The following PCDH15 variants were observed in gnomAD, a reference collection of about 807,000 sequenced individuals.
The protein encoded by PCDH15 is protocadherin related 15, also known as protocadherin-15.
Under a neutral mutation model 178.5 loss-of-function variants are expected in PCDH15, and 129 were observed. The observed-to-expected ratio is 0.72, with a 90% confidence interval of 0.63 to 0.84. The LOEUF is 0.84. PCDH15 is among the 40% of genes least tolerant of loss of function. The pLI is 0.00. For missense variants in PCDH15, 2,230 were observed against 2,099.9 expected (o/e 1.06, Z -1.21); for synonymous variants, 800 against 732.0 (o/e 1.09, Z -1.50).
chr10:53,808,829 C>G, intron 37 of PCDH15: 3 of 1,610,748 alleles, frequency 1.9e-6, no homozygotes, highest in Non-Finnish European at 2.5e-6. Flanking sequence ...CTACTACTAC[C>G]TGATTCTGAT....
chr10:55,555,004 T>C (rs1390546467), intron 2 of PCDH15, among the ~76,000 whole-genome samples: 1 of 152,068 alleles, frequency 6.6e-6, no homozygotes, highest in Non-Finnish European at 1.5e-5. Context: ...AAAAGTTAAT[T>C]AGAAGATATC....
chr10:55,342,728 C>T (rs1318803131), intron 2 of PCDH15, among the ~76,000 whole-genome samples: 2 of 152,154 alleles, frequency 1.3e-5, no homozygotes, highest in Non-Finnish European at 2.9e-5. Flanking sequence ...ACAAAATTCT[C>T]CCAGTGTCTC....
At chr10:54,441,400 G>C (rs1340762826) in intron 3 of PCDH15, among the ~76,000 whole-genome samples, 1 of 151,876 alleles carries the variant, frequency 6.6e-6, no homozygotes, top group African/African-American at 2.4e-5. Context: ...TATCTACAAT[G>C]AGAATGTCCA....
chr10:53,985,277 T>G (rs534776028), intron 21 of PCDH15, among the ~76,000 whole-genome samples: 1 of 152,328 alleles, frequency 6.6e-6, no homozygotes, highest in East Asian at 1.9e-4. Context: ...GTTCTTACAC[T>G]TCATTCTTTT....
chr10:55,500,135 T>G (rs1304524221), intron 2 of PCDH15, among the ~76,000 whole-genome samples: 1 of 151,428 alleles, frequency 6.6e-6, no homozygotes, highest in East Asian at 1.9e-4. Flanking sequence ...TTGAATATAG[T>G]TTAATACATC....
chr10:54,123,816 C>T (rs73239956), intron 15 of PCDH15, among the ~76,000 whole-genome samples: 4,467 of 152,208 alleles, frequency 0.029, 240 homozygotes, highest in African/African-American at 0.1. Flanking sequence ...CGGAATACTA[C>T]ATAGCCCTAA....
At chr10:55,597,193 AG>A (rs1402095616) in intron 2 of PCDH15, 1 of 152,208 alleles carries the variant, frequency 6.6e-6, no homozygotes, top group Admixed American at 6.5e-5. Context: ...CCCAACCATA[AG>A]GTGCTAATTC....
At chr10:54,020,490 G>T in intron 19 of PCDH15, 74 bp from the exon 20 acceptor site, 1 of 1,380,272 alleles carries the variant, frequency 7.2e-7, no homozygotes, top group Non-Finnish European at 1.0e-6. Flanking sequence ...TGGAAGTCAT[G>T]CGTTAGTGCC....
At chr10:53,933,328 C>G (rs552437860) in intron 25 of PCDH15, among the ~76,000 whole-genome samples, 1 of 151,560 alleles carries the variant, frequency 6.6e-6, no homozygotes, top group Non-Finnish European at 1.5e-5. Context: ...TCCCCCCTTC[C>G]CCCACCCCAC....
chr10:54,178,037 T>C (rs2047615261), intron 13 of PCDH15, among the ~76,000 whole-genome samples: 1 of 152,008 alleles, frequency 6.6e-6, no homozygotes, highest in Non-Finnish European at 1.5e-5. Flanking sequence ...AAGAAGTATA[T>C]ATACGTATTT....
In PCDH15 at chr10:54,872,295, C is replaced by A. The variant is rs570268183; in HGVS notation, c.-29+25155G>T. 3.3e-5 allele frequency among the ~76,000 whole-genome samples: 5 copies of A among 152,000 alleles called. No homozygotes were observed. The South Asian group carries it at 1.0e-3, about 32-fold the overall frequency. On this transcript the variant is annotated intron_variant, in intron 3 of 5. Transcript: ENST00000458638. ...TATAAATGAAAAAGAGACCTAGTCA[C>A]CTATTTAATTTATCTCAGAAAATAC... is the stretch of plus-strand genomic sequence containing the variant.
chr10:54,323,465 A>G (rs1392181680), intron 7 of PCDH15, among the ~76,000 whole-genome samples: 1 of 152,176 alleles, frequency 6.6e-6, no homozygotes, highest in Non-Finnish European at 1.5e-5. Flanking sequence ...GAATCAACCT[A>G]GGTGCCCATC....
At chr10:54,696,816 T>G (rs7098216) in intron 1 of PCDH15, among the ~76,000 whole-genome samples, 78,259 of 151,936 alleles carry the variant, frequency 0.52, 20,945 homozygotes, top group Non-Finnish European at 0.6. Context: ...TGAAAACTTT[T>G]AACAAGTTAA....
intron 21 of PCDH15, among the ~76,000 whole-genome samples, chr10:53,973,365 C>T (rs2089920150): frequency 6.6e-6 from 1 of 151,766 alleles, no homozygotes; most frequent in Non-Finnish European, 1.5e-5. Context: ...GGGTGCAGCA[C>T]ACCAACGTGG....
At chr10:54,336,851 A>G (rs1390736084) in intron 6 of PCDH15, among the ~76,000 whole-genome samples, 1 of 152,148 alleles carries the variant, frequency 6.6e-6, no homozygotes, top group Non-Finnish European at 1.5e-5. Flanking sequence ...GATAGTTTGC[A>G]CTGCATGCCT....
intron 27 of PCDH15, among the ~76,000 whole-genome samples, chr10:53,858,414 T>C (rs1406405316): frequency 1.3e-5 from 2 of 152,052 alleles, no homozygotes; most frequent in Non-Finnish European, 2.9e-5. Flanking sequence ...GAAAGAAGTG[T>C]AAGTAACAAA....
At chr10:54,293,720 C>T (rs543290105) in intron 8 of PCDH15, among the ~76,000 whole-genome samples, 3 of 152,312 alleles carry the variant, frequency 2.0e-5, no homozygotes, top group East Asian at 1.9e-4. Context: ...TGAAAAAATG[C>T]TCATCATCAC....
chr10:55,142,158 A>G (rs998185055), intron 2 of PCDH15, among the ~76,000 whole-genome samples: 3 of 152,100 alleles, frequency 2.0e-5, no homozygotes, highest in South Asian at 4.1e-4. Flanking sequence ...CTGTGTCTCT[A>G]TATCTTTGTC....
At chr10:54,408,052 C>CGAAAAA (rs748600453) in intron 3 of PCDH15, among the ~76,000 whole-genome samples, 3 of 83,726 alleles carry the variant, frequency 3.6e-5, no homozygotes, top group African/African-American at 1.4e-4. Context: ...GAGACTCTGT[C>CGAAAAA]AAAAAAAAAA....
Sources: gnomAD v4.1 joint callset for allele counts (sites outside exome capture counted in the v4.1 genomes callset) on GRCh38, gnomAD v4.1.1 for gene constraint, MANE v1.5 for transcripts, NCBI Gene and HGNC (gene_info 2026-07-23, HGNC 2026-07-21) for gene names.